RFC1: variants seen among roughly 807,000 people sequenced by gnomAD.
RFC1 encodes the protein replication factor C subunit 1.
RFC1 carries 37 observed loss-of-function variants against 137.4 expected under a neutral mutation model. The ratio of observed to expected loss-of-function variants is 0.27; its 90% CI spans 0.21 to 0.35. The LOEUF (loss-of-function observed/expected upper bound fraction) is 0.35, where lower values mean the gene tolerates loss of function less well. Among genes scored for constraint, RFC1 ranks in the 10% least tolerant of loss-of-function variants. The pLI is 1.00. For missense variants in RFC1, 1,205 were observed against 1,358.5 expected (o/e 0.89, Z 1.78); for synonymous variants, 429 against 455.7 (o/e 0.94, Z 0.75).
At chr4:39,334,299 G>C (rs1466401074) in intron 4 of RFC1, among the ~76,000 whole-genome samples, 1 of 152,144 alleles carries the variant, frequency 6.6e-6, no homozygotes, top group East Asian at 1.9e-4. Flanking sequence ...GATGAAACCA[G>C]AAAACTTGAA....
intron 4 of RFC1, among the ~76,000 whole-genome samples, chr4:39,337,283 A>T (rs371665197): frequency 3.2e-4 from 49 of 152,160 alleles, no homozygotes; most frequent in African/African-American, 1.1e-3. Context: ...CTGAGGCAGG[A>T]GACTCGCTTG....
chr4:39,349,813 T>C (rs1442663986), intron 2 of RFC1, among the ~76,000 whole-genome samples: 1 of 152,146 alleles, frequency 6.6e-6, no homozygotes, highest in African/African-American at 2.4e-5. Context: ...GAGACCAGCC[T>C]GGCCAATATG....
At chr4:39,321,459 T>G in intron 7 of RFC1, 85 bp from the exon 8 acceptor site, 1 of 1,271,166 alleles carries the variant, frequency 7.9e-7, no homozygotes, top group Non-Finnish European at 1.1e-6. Flanking sequence ...CATCAAAATT[T>G]TAAGGGTCAC....
At chr4:39,323,505 GAA>G (rs1182504690) in intron 6 of RFC1, 88 bp from the exon 7 acceptor site, 64 of 1,069,380 alleles carry the variant, frequency 6.0e-5, no homozygotes, top group Non-Finnish European at 8.4e-5. Flanking sequence ...ATATTTAGAA[GAA>G]ACTAGAAAAA....
chr4:39,344,672 A>C (rs1740761502), intron 3 of RFC1, among the ~76,000 whole-genome samples: 1 of 152,200 alleles, frequency 6.6e-6, no homozygotes, highest in African/African-American at 2.4e-5. Flanking sequence ...CTGTGGTTCC[A>C]GCTACAGGTG....
rs1472676989 is a variant in RFC1, at chr4:39,345,484, C to T, written c.133-8G>A. ...TTTACGGGAGCTATTTACCTATAAA[C>T]ATCACAATATAATTAGAACATAAAG... On this transcript the variant is annotated splice_polypyrimidine_tract_variant and splice_region_variant and intron_variant, in intron 2 of 24. Transcript: ENST00000349703. 1 of 1,601,868 alleles carries T rather than the reference C, an allele frequency of 6.2e-7. No homozygotes were observed. The highest frequency in any genetic ancestry group is 1.1e-5 in the South Asian group (1 of 90,336).
intron 15 of RFC1, among the ~76,000 whole-genome samples, chr4:39,303,511 T>A (rs1232817455): frequency 6.6e-6 from 1 of 152,086 alleles, no homozygotes; most frequent in East Asian, 1.9e-4. Context: ...TGGAGTGCAA[T>A]GGCACGATAT....
intron 9 of RFC1, chr4:39,317,770 T>G (rs972233469): frequency 1.4e-5 from 2 of 143,804 alleles, no homozygotes; most frequent in Non-Finnish European, 3.0e-5. Flanking sequence ...CTATCAGGTG[T>G]TTGTTATTTT....
At chr4:39,361,116 C>T (rs573160551) in intron 1 of RFC1, among the ~76,000 whole-genome samples, 1 of 152,208 alleles carries the variant, frequency 6.6e-6, no homozygotes, top group African/African-American at 2.4e-5. Context: ...AAGCCAGGCA[C>T]GATGGCTCAC....
chr4:39,356,738 T>G (rs1741499155), intron 1 of RFC1, among the ~76,000 whole-genome samples: 1 of 152,234 alleles, frequency 6.6e-6, no homozygotes, highest in Non-Finnish European at 1.5e-5. Context: ...TAGTAGGACA[T>G]TTCCTCTTCT....
At chr4:39,356,847 G>A (rs1741503779) in intron 1 of RFC1, among the ~76,000 whole-genome samples, 1 of 152,102 alleles carries the variant, frequency 6.6e-6, no homozygotes, top group African/African-American at 2.4e-5. Context: ...TCTAGCATGG[G>A]TCTCAAAAAC....
intron 9 of RFC1, among the ~76,000 whole-genome samples, chr4:39,319,230 C>T (rs1012181989): frequency 3.5e-4 from 53 of 152,218 alleles, no homozygotes; most frequent in African/African-American, 1.3e-3. Context: ...ACAAACAGCA[C>T]CAAAGCACAG....
chr4:39,293,947 G>A (rs1223650795), intron 22 of RFC1, among the ~76,000 whole-genome samples: 1 of 152,170 alleles, frequency 6.6e-6, no homozygotes, highest in Non-Finnish European at 1.5e-5. Context: ...TTGGCTGATG[G>A]TCCCTGTCTC....
In RFC1 at chr4:39,288,915, A is replaced by G; in HGVS notation, c.3361-71T>C. 3 of 968,382 alleles carry G rather than the reference A, an allele frequency of 3.1e-6. No homozygotes were observed. In the South Asian group the frequency reaches 4.2e-5, roughly 14 times the overall value. 60.0% of individuals were successfully genotyped at this position (968,382 alleles called of 1,614,324 possible). ...GTAAATGAAATAAGTTCATCTCTAT[A>G]ACAAATCTAATCTTTACCTGCAACT... is the stretch of plus-strand genomic sequence containing the variant. On this transcript the variant is annotated intron_variant, in intron 24 of 24. Transcript: ENST00000349703.
chr4:39,290,176 G>A, intron 23 of RFC1, 137 bp from the exon 24 acceptor site: 1 of 557,170 alleles, frequency 1.8e-6, no homozygotes, highest in Non-Finnish European at 3.1e-6. Context: ...GTAAATCTAA[G>A]TACGTGCATT....
At chr4:39,346,320 T>G (rs1032908815) in intron 2 of RFC1, among the ~76,000 whole-genome samples, 1 of 152,010 alleles carries the variant, frequency 6.6e-6, no homozygotes, top group Non-Finnish European at 1.5e-5. Flanking sequence ...CTACTAAAAA[T>G]ACAAAATTAG....
chr4:39,307,886 T>C (rs932431321), intron 13 of RFC1, among the ~76,000 whole-genome samples: 2 of 152,196 alleles, frequency 1.3e-5, no homozygotes, highest in African/African-American at 4.8e-5. Context: ...ACAGGCATCA[T>C]TGGCAATGAT....
At chr4:39,353,371 G>A (rs1741303383) in intron 1 of RFC1, among the ~76,000 whole-genome samples, 1 of 128,264 alleles carries the variant, frequency 7.8e-6, no homozygotes, top group Admixed American at 8.6e-5. Flanking sequence ...CTGCACTCCA[G>A]CCTGGGCGAC....
chr4:39,361,659 T>G (rs1336767798), intron 1 of RFC1, among the ~76,000 whole-genome samples: 1 of 152,176 alleles, frequency 6.6e-6, no homozygotes, highest in South Asian at 2.1e-4. Flanking sequence ...CTAAAAAATT[T>G]AGAATAATGA....
Sources: gnomAD v4.1 joint callset for allele counts (sites outside exome capture counted in the v4.1 genomes callset) on GRCh38, gnomAD v4.1.1 for gene constraint, MANE v1.5 for transcripts, NCBI Gene and HGNC (gene_info 2026-07-23, HGNC 2026-07-21) for gene names.